Variants in CACNA2D3 observed in about 807,000 individuals in gnomAD.
The protein encoded by CACNA2D3 is voltage-dependent calcium channel subunit alpha-2/delta-3.
Under a neutral mutation model 160.6 loss-of-function variants are expected in CACNA2D3, and 60 were observed. The observed-to-expected ratio is 0.37, with a 90% CI of 0.30 to 0.46. CACNA2D3 has a LOEUF of 0.46. Among genes scored for constraint, CACNA2D3 ranks in the 20% least tolerant of loss-of-function variants. The pLI is 1.00. For synonymous variants in CACNA2D3, 558 were observed against 492.9 expected (o/e 1.13, Z -1.75); for missense variants, 1,205 against 1,365.0 (o/e 0.88, Z 1.85).
chr3:54,414,083 A>C (rs891840177), intron 4 of CACNA2D3, among the ~76,000 whole-genome samples: 3 of 151,922 alleles, frequency 2.0e-5, no homozygotes, highest in African/African-American at 7.2e-5. Flanking sequence ...TAAATCAATT[A>C]AATTTATATT....
chr3:54,655,799 A>C (rs959783173), intron 11 of CACNA2D3, among the ~76,000 whole-genome samples: 2 of 152,238 alleles, frequency 1.3e-5, no homozygotes, highest in Admixed American at 1.3e-4. Context: ...TATTAGTGAA[A>C]TATAAAAAGG....
intron 5 of CACNA2D3, among the ~76,000 whole-genome samples, chr3:54,517,612 A>G (rs1469073882): frequency 4.6e-5 from 7 of 152,160 alleles, no homozygotes; most frequent in African/African-American, 1.2e-4. Flanking sequence ...TTCAACTACA[A>G]TATAACGTGG....
intron 11 of CACNA2D3, among the ~76,000 whole-genome samples, chr3:54,736,003 A>C (rs1488357166): frequency 0.06 from 5,915 of 98,604 alleles, 117 homozygotes; most frequent in Non-Finnish European, 0.077. Flanking sequence ...ACATATATAT[A>C]TATGTATATA....
chr3:54,554,826 C>T (rs986994547), intron 5 of CACNA2D3, among the ~76,000 whole-genome samples: 7 of 150,260 alleles, frequency 4.7e-5, no homozygotes, highest in South Asian at 2.1e-4. Flanking sequence ...GTTGGAAGCC[C>T]CTCTTGAGAC....
chr3:54,824,779 G>A (rs1703716367), intron 14 of CACNA2D3, among the ~76,000 whole-genome samples: 1 of 152,190 alleles, frequency 6.6e-6, no homozygotes, highest in Admixed American at 6.5e-5. Flanking sequence ...TGCTCAATGA[G>A]GGGTAGTGTT....
chr3:54,634,903 CA>C (rs1699331285), intron 10 of CACNA2D3, among the ~76,000 whole-genome samples: 1 of 132,164 alleles, frequency 7.6e-6, no homozygotes, highest in Non-Finnish European at 1.7e-5. Context: ...ACAGGGGATG[CA>C]ATGGCTTGGC....
chr3:55,014,481 G>A (rs536418557), intron 34 of CACNA2D3, among the ~76,000 whole-genome samples: 9 of 152,174 alleles, frequency 5.9e-5, no homozygotes, highest in Non-Finnish European at 1.3e-4. Context: ...TGTAATCCCA[G>A]CACTTTGGGA....
chr3:54,279,752 C>G (rs180948449), intron 2 of CACNA2D3, among the ~76,000 whole-genome samples: 1 of 152,246 alleles, frequency 6.6e-6, no homozygotes, highest in African/African-American at 2.4e-5. Context: ...ACAGAGCTGT[C>G]TCTGTTCTCA....
intron 13 of CACNA2D3, among the ~76,000 whole-genome samples, chr3:54,781,072 AG>A (rs1702526465): frequency 6.6e-6 from 1 of 152,344 alleles, no homozygotes; most frequent in Admixed American, 6.5e-5. Context: ...AAGTTATTTA[AG>A]GGTTAAAATA....
chr3:54,504,853 C>T (rs9879189), intron 5 of CACNA2D3, among the ~76,000 whole-genome samples: 59,088 of 151,996 alleles, frequency 0.39, 11,984 homozygotes, highest in Middle Eastern at 0.48. Context: ...ATGCTGCCTC[C>T]GTCAGAGGGT....
chr3:54,149,888 T>C (rs891911619), intron 2 of CACNA2D3, among the ~76,000 whole-genome samples: 2 of 45,084 alleles, frequency 4.4e-5, no homozygotes, highest in Non-Finnish European at 8.7e-5. Flanking sequence ...TATCTGTCTC[T>C]CTCTCTCTCT....
chr3:54,882,178 C>T (rs1165878717), intron 21 of CACNA2D3, among the ~76,000 whole-genome samples: 2 of 152,182 alleles, frequency 1.3e-5, no homozygotes, highest in African/African-American at 4.8e-5. Context: ...AATTTTCTGC[C>T]TCTGTGGGCC....
chr3:54,319,690 T>G (rs553478226), intron 2 of CACNA2D3, among the ~76,000 whole-genome samples: 2 of 152,310 alleles, frequency 1.3e-5, no homozygotes, highest in East Asian at 3.9e-4. Context: ...AGAGCGTCTC[T>G]TTATGTGGGT....
At chr3:55,039,134 T>G (rs1018887597) in intron 35 of CACNA2D3, among the ~76,000 whole-genome samples, 54 of 152,044 alleles carry the variant, frequency 3.6e-4, no homozygotes, top group African/African-American at 1.0e-3. Flanking sequence ...CAAAATACAT[T>G]TCTTGAAATA....
chr3:54,936,331 G>T (rs2106969920), intron 27 of CACNA2D3, among the ~76,000 whole-genome samples: 1 of 152,258 alleles, frequency 6.6e-6, no homozygotes, highest in East Asian at 1.9e-4. Flanking sequence ...CGTGGACAGA[G>T]CTCCCCATCT....
At chr3:54,660,173 A>C (rs1036217122) in intron 11 of CACNA2D3, among the ~76,000 whole-genome samples, 1 of 102,760 alleles carries the variant, frequency 9.7e-6, no homozygotes, top group Non-Finnish European at 2.1e-5. Context: ...ATTTTTTTTT[A>C]TTTTTGAGAC....
rs1282711768 is a variant in CACNA2D3, at chr3:54,642,166, C to T, written c.1092C>T (p.Ala364=). Residue 364 remains alanine, a synonymous_variant, in exon 11 of 38, where the codon GCC becomes GCT. Coordinates refer to ENST00000474759, the MANE Select transcript of CACNA2D3 (RefSeq NM_018398.3). ...GACAAGGAAGTATCTGCAGTCAGGCCATCATGCTCATAACTGATGGGGCGG... is the reference window on the plus strand; with the variant it reads ...GACAAGGAAGTATCTGCAGTCAGGCTATCATGCTCATAACTGATGGGGCGG... ...HTGQGSICSQ[A]IMLITDGAVD... 1 of 1,613,160 alleles carries T rather than the reference C, an allele frequency of 6.2e-7. No homozygotes were observed. The highest frequency in any genetic ancestry group is 8.5e-7 in the Non-Finnish European group (1 of 1,179,552).
intron 2 of CACNA2D3, among the ~76,000 whole-genome samples, chr3:54,285,316 G>A (rs1257285581): frequency 2.6e-5 from 4 of 152,182 alleles, no homozygotes; most frequent in African/African-American, 4.8e-5. Flanking sequence ...CTACGCCCAC[G>A]AAGTCTCGCT....
intron 4 of CACNA2D3, among the ~76,000 whole-genome samples, chr3:54,502,601 C>T (rs528450717): frequency 1.8e-4 from 28 of 152,328 alleles, no homozygotes; most frequent in Middle Eastern, 3.4e-3. Context: ...ATTCCACCCA[C>T]ACCTGCCATT....
Sources: gnomAD v4.1 joint callset for allele counts (sites outside exome capture counted in the v4.1 genomes callset) on GRCh38, gnomAD v4.1.1 for gene constraint, MANE v1.5 for transcripts, NCBI Gene and HGNC (gene_info 2026-07-23, HGNC 2026-07-21) for gene names.